Variants in DEFB116 observed in about 807,000 individuals in gnomAD.
The protein encoded by DEFB116 is defensin beta 116.
Under a neutral mutation model 2.8 loss-of-function variants are expected in DEFB116, and 5 were observed. The observed-to-expected ratio is 1.80, with a 90% confidence interval of 0.94 to 3.79. The LOEUF (loss-of-function observed/expected upper bound fraction) is 3.79, where lower values mean the gene tolerates loss of function less well. DEFB116 is among the 30% of genes most tolerant of loss of function. The probability of loss-of-function intolerance (pLI) is 0.00; values close to 1 mark genes in which losing one functional copy is unlikely to be tolerated. For missense variants in DEFB116, 170 were observed against 118.0 expected (o/e 1.44, Z -2.04); for synonymous variants, 56 against 40.8 (o/e 1.37, Z -1.42).
chr20:31,304,539 G>T (rs1163670688), intron 1 of DEFB116, among the ~76,000 whole-genome samples: 1 of 152,006 alleles, frequency 6.6e-6, no homozygotes, highest in African/African-American at 2.4e-5. Flanking sequence ...ACTTGATCAA[G>T]CCAGTATTCA....
chr20:31,303,491 A>C, intron 1 of DEFB116, 38 bp from the exon 2 acceptor site: 3 of 1,609,754 alleles, frequency 1.9e-6, no homozygotes, highest in Non-Finnish European at 2.5e-6. Context: ...TCCATGCAGC[A>C]GTGATAATAG....
intron 1 of DEFB116, among the ~76,000 whole-genome samples, chr20:31,305,047 C>A (rs1444120784): frequency 3.3e-5 from 5 of 151,976 alleles, no homozygotes; most frequent in Non-Finnish European, 5.9e-5. Flanking sequence ...CCCCAGGAAT[C>A]CAGAGAGGGA....
chr20:31,303,263 G>C lies in DEFB116; in HGVS notation c.258C>G (p.Asp86Glu), dbSNP rs1414214890. ...TTGTAACTGACAAGTTGGAGTTAGA[G>C]TCGTAATCCTCCTTCACATTTTTAG... is the stretch of plus-strand genomic sequence containing the variant. ...TSSKNVKEDY[D>E]SNSNLSVTNS... Residue 86 changes from aspartate (D) to glutamate (E), a missense_variant, in exon 2 of 2, where the codon GAC (aspartate) becomes GAG (glutamate). Physicochemically the swap from Asp to Glu is conservative, Grantham distance 45 (BLOSUM62 2). Transcript: ENST00000400549. 3 of 1,613,580 alleles carry C rather than the reference G, an allele frequency of 1.9e-6. No homozygotes were observed. The highest frequency in any genetic ancestry group is 1.7e-4 in the Middle Eastern group (1 of 6,056).
chr20:31,308,489 G>A (rs760580804), intron 1 of DEFB116, 30 bp downstream of exon 1: 7 of 1,610,984 alleles, frequency 4.3e-6, no homozygotes, highest in East Asian at 2.2e-5. Context: ...CATGCAAGAC[G>A]CCAGAACCTT....
chr20:31,303,217 T>C lies in DEFB116; in HGVS notation c.304A>G (p.Ile102Val). ...AGAGGAGACGTTGGTGATATTCAAA[T>C]GTGAGAGTAGCTTGAACTGTTTGTA... ...SVTNSSSYSH[I>V] Residue 102 changes from isoleucine (I) to valine (V), a missense_variant, in exon 2 of 2, where the codon ATT becomes GTT. Coordinates refer to ENST00000400549, the MANE Select transcript of DEFB116 (RefSeq NM_001037731.1). 5 of 1,613,248 alleles carry C rather than the reference T, an allele frequency of 3.1e-6. No homozygotes were observed. Among genetic ancestry groups the C allele is most frequent in the Non-Finnish European group, 3.4e-6 (4 of 1,179,366 alleles).
chr20:31,305,833 G>A (rs17123553), intron 1 of DEFB116, among the ~76,000 whole-genome samples: 9,214 of 151,942 alleles, frequency 0.061, 941 homozygotes, highest in African/African-American at 0.21. Flanking sequence ...ATATTTTTAC[G>A]TATATTCATA....
chr20:31,303,797 TCTC>T (rs1289698057), intron 1 of DEFB116, among the ~76,000 whole-genome samples: 1 of 152,084 alleles, frequency 6.6e-6, no homozygotes, highest in Admixed American at 6.5e-5. Flanking sequence ...ATGAAAGTCT[TCTC>T]CTGAGAGTAT....
intron 1 of DEFB116, among the ~76,000 whole-genome samples, chr20:31,305,471 T>A (rs1984972538): frequency 6.6e-6 from 1 of 152,098 alleles, no homozygotes; most frequent in Admixed American, 6.6e-5. Context: ...CTACAGTGAT[T>A]TAAATAAATT....
Position 31,303,392 on chromosome 20 carries a change from G to T in DEFB116, c.129C>A (p.Tyr43Ter), listed in dbSNP as rs1984927173. 6.2e-7 allele frequency: 1 copy of T among 1,613,546 alleles called. No individual in the cohort carries two copies. The highest frequency in any genetic ancestry group is 8.5e-7 in the Non-Finnish European group (1 of 1,179,604). ...SREPWNPCEL[Y>*]QGMCRNACRE... ...TGCAGGCGTTTCTGCACATGCCTTG[G>T]TAAAGCTCACATGGATTCCAAGGCT... The change falls in exon 2 of 2, where the codon TAC becomes TAA. Residue 43 changes from tyrosine (Y) to a stop codon, truncating the protein, a stop_gained. Coordinates refer to ENST00000400549, the MANE Select transcript of DEFB116 (RefSeq NM_001037731.1). LOFTEE classifies it low-confidence loss of function (END_TRUNC).
intron 1 of DEFB116, among the ~76,000 whole-genome samples, chr20:31,307,219 C>G (rs985079257): frequency 6.6e-6 from 1 of 152,102 alleles, no homozygotes; most frequent in South Asian, 2.1e-4. Flanking sequence ...GAACACTTAA[C>G]ATAAAATCCA....
chr20:31,305,802 C>A lies in DEFB116; in HGVS notation c.68-2349G>T, dbSNP rs1057301650. On this transcript the variant is annotated intron_variant, in intron 1 of 1. Transcript: ENST00000400549. ...TGTAAAAAAGAGGTTAATAAGATGT[C>A]ATACTTCATAATAACCTGGCATATT... Among the ~76,000 whole-genome samples, 9 of 152,048 alleles carry A rather than the reference C, an allele frequency of 5.9e-5. No individual in the cohort carries two copies. The East Asian group carries it at 1.7e-3, about 29-fold the overall frequency.
chr20:31,305,198 C>A (rs1984967523), intron 1 of DEFB116, among the ~76,000 whole-genome samples: 1 of 152,088 alleles, frequency 6.6e-6, no homozygotes, highest in Admixed American at 6.6e-5. Flanking sequence ...GGGACCTGCA[C>A]ACTCTCTCTC....
chr20:31,304,588 T>C (rs1038556702), intron 1 of DEFB116, among the ~76,000 whole-genome samples: 6 of 152,078 alleles, frequency 3.9e-5, no homozygotes, highest in African/African-American at 1.4e-4. Flanking sequence ...TGCTCTTTTC[T>C]CTCTGTGTCA....
chr20:31,305,950 A>T lies in DEFB116; in HGVS notation c.68-2497T>A, dbSNP rs548655087. On this transcript the variant is annotated intron_variant, in intron 1 of 1. Transcript: ENST00000400549. The stretch of plus-strand genomic sequence containing the variant: ...CTAATGGGCTCCTGTTTGCAGTGAA[A>T]GCCACGATTCTGCCTAGCCTTCTCA... Among the ~76,000 whole-genome samples, 47 of 152,216 alleles carry T rather than the reference A, an allele frequency of 3.1e-4. 2 individuals are homozygous for T. The South Asian group carries it at 9.3e-3, about 30-fold the overall frequency.
chr20:31,303,223 A>G lies in DEFB116; in HGVS notation c.298T>C (p.Ser100Pro), dbSNP rs780703804. Residue 100 changes from serine to proline, a missense_variant, in exon 2 of 2, where the codon TCT becomes CCT. Ser to Pro is a moderately conservative substitution (Grantham distance 74). Transcript: ENST00000400549. ...NLSVTNSSSY[S>P]HI is the part of the protein sequence containing the mutation. ...GACGTTGGTGATATTCAAATGTGAG[A>G]GTAGCTTGAACTGTTTGTAACTGAC... The G allele has an allele frequency of 6.2e-7, 1 of 1,613,320 alleles. No individual in the cohort carries two copies. Among genetic ancestry groups the G allele is most frequent in the East Asian group, 2.2e-5 (1 of 44,878 alleles).
At chr20:31,307,518 C>A (rs1055553009) in intron 1 of DEFB116, among the ~76,000 whole-genome samples, 4 of 152,020 alleles carry the variant, frequency 2.6e-5, no homozygotes, top group Non-Finnish European at 5.9e-5. Flanking sequence ...GAAGGATTTT[C>A]TGGATATGAC....
intron 1 of DEFB116, among the ~76,000 whole-genome samples, chr20:31,306,958 G>A (rs1454836405): frequency 6.6e-6 from 1 of 152,094 alleles, no homozygotes; most frequent in Admixed American, 6.6e-5. Context: ...TTCAGAATTT[G>A]AAAATAATAC....
In DEFB116 at chr20:31,303,399, T is replaced by A. The variant is rs771434488; in HGVS notation, c.122A>T (p.Glu41Val). Reference sequence around the variant, plus strand: ...GTTTCTGCACATGCCTTGGTAAAGCTCACATGGATTCCAAGGCTCTCGGCT... The same window carrying A: ...GTTTCTGCACATGCCTTGGTAAAGCACACATGGATTCCAAGGCTCTCGGCT... ...GKSREPWNPC[E>V]LYQGMCRNAC... Residue 41 changes from glutamate (E) to valine (V), a missense_variant, in exon 2 of 2, where the codon GAG becomes GTG. Transcript: ENST00000400549. The A allele has an allele frequency of 1.4e-5, 22 of 1,613,444 alleles. No homozygotes were observed. The African/African-American group carries it at 2.5e-4, about 19-fold the overall frequency.
Position 31,308,561 on chromosome 20 carries a change from T to C in DEFB116, c.25A>G (p.Met9Val), listed in dbSNP as rs770765146. ...AGGATCATAAGGATGGCAATGGTCA[T>C]TAAACAGGGCTTCATGACTGACATG... MSVMKPCL[M>V]TIAILMILAQ... The change falls in exon 1 of 2, where the codon ATG becomes GTG. Residue 9 changes from methionine (M) to valine (V), a missense_variant. Coordinates refer to ENST00000400549, the MANE Select transcript of DEFB116 (RefSeq NM_001037731.1). 5.0e-6 allele frequency: 8 copies of C among 1,613,548 alleles called. No homozygotes were observed. Among genetic ancestry groups the C allele is most frequent in the South Asian group, 2.2e-5 (2 of 91,076 alleles).
Sources: gnomAD v4.1 joint callset for allele counts (sites outside exome capture counted in the v4.1 genomes callset) on GRCh38, gnomAD v4.1.1 for gene constraint, MANE v1.5 for transcripts, NCBI Gene and HGNC (gene_info 2026-07-23, HGNC 2026-07-21) for gene names.